The following ZNF385B variants were observed in gnomAD, a reference collection of about 807,000 sequenced individuals.
ZNF385B encodes the protein zinc finger protein 385B.
A neutral mutation model predicts 39.2 loss-of-function variants in ZNF385B; 23 were observed. The observed-to-expected ratio is 0.59, with a 90% CI of 0.42 to 0.83. ZNF385B has a LOEUF of 0.83. ZNF385B is among the 40% of genes least tolerant of loss of function. The pLI, the probability that ZNF385B is intolerant of heterozygous loss-of-function variation, is 0.00. For missense variants in ZNF385B, 552 were observed against 598.9 expected, an observed-to-expected ratio of 0.92 and a Z score of 0.82; for synonymous variants, 205 against 222.6, an observed-to-expected ratio of 0.92 and a Z score of 0.70.
chr2:179,648,721 G>T (rs747785903), intron 3 of ZNF385B, among the ~76,000 whole-genome samples: 1 of 152,086 alleles, frequency 6.6e-6, no homozygotes. Flanking sequence ...AAATGACAAG[G>T]CTCCTGAGTC....
intron 1 of ZNF385B, among the ~76,000 whole-genome samples, chr2:179,778,063 G>C (rs935124198): frequency 2.0e-5 from 3 of 151,972 alleles, no homozygotes; most frequent in Admixed American, 6.6e-5. Context: ...ATAGAATTGG[G>C]CTTTATTCTT....
chr2:179,787,017 C>T (rs1705045992), intron 1 of ZNF385B, among the ~76,000 whole-genome samples: 1 of 152,112 alleles, frequency 6.6e-6, no homozygotes, highest in African/African-American at 2.4e-5. Context: ...GTTTTTCACA[C>T]ACGTATTAAC....
chr2:179,603,754 A>T (rs1463430344), intron 3 of ZNF385B, among the ~76,000 whole-genome samples: 5 of 152,226 alleles, frequency 3.3e-5, no homozygotes, highest in Non-Finnish European at 7.3e-5. Flanking sequence ...ACTGATGAAA[A>T]TAGGACTAGA....
At chr2:179,676,993 A>C (rs10187687) in intron 3 of ZNF385B, among the ~76,000 whole-genome samples, 17,402 of 152,220 alleles carry the variant, frequency 0.11, 1,391 homozygotes, top group African/African-American at 0.22. Flanking sequence ...CACACACACG[A>C]AACACCACAA....
At chr2:179,735,438 TG>T (rs1362302777) in intron 3 of ZNF385B, among the ~76,000 whole-genome samples, 1 of 126,070 alleles carries the variant, frequency 7.9e-6, no homozygotes, top group African/African-American at 3.0e-5. Flanking sequence ...TTGGTGGGAC[TG>T]TAAACTAGTT....
intron 5 of ZNF385B, among the ~76,000 whole-genome samples, chr2:179,501,658 C>T (rs1302115439): frequency 6.6e-6 from 1 of 151,956 alleles, no homozygotes; most frequent in Admixed American, 6.6e-5. Context: ...ATGAATAAGA[C>T]CTAGTGTTTG....
chr2:179,608,956 A>G (rs547756483), intron 3 of ZNF385B, among the ~76,000 whole-genome samples: 399 of 151,588 alleles, frequency 2.6e-3, no homozygotes, highest in Non-Finnish European at 4.5e-3. Context: ...AGTACAAAGT[A>G]GGTGTATATA....
Position 179,537,632 on chromosome 2 carries a change from C to T in ZNF385B, c.441+7195G>A, listed in dbSNP as rs1478869426. On this transcript the variant is annotated intron_variant, in intron 4 of 9. Transcript: ENST00000410066. Reference sequence around the variant, plus strand: ...GGCGTGCATCTGTAGTTCCAGCTACCTGGGAGGCTGACGCAGAAGAATAGC... The same window carrying T: ...GGCGTGCATCTGTAGTTCCAGCTACTTGGGAGGCTGACGCAGAAGAATAGC... 2.0e-5 allele frequency among the ~76,000 whole-genome samples: 3 copies of T among 151,650 alleles called. No homozygotes were observed. In the East Asian group the frequency reaches 5.8e-4, roughly 29 times the overall value.
chr2:179,500,803 C>T (rs1303313860), intron 5 of ZNF385B, among the ~76,000 whole-genome samples: 1 of 152,104 alleles, frequency 6.6e-6, no homozygotes. Flanking sequence ...AGTGAAGAGA[C>T]AACCCATAGA....
At chr2:179,683,734 C>A (rs1697713533) in intron 3 of ZNF385B, among the ~76,000 whole-genome samples, 1 of 152,124 alleles carries the variant, frequency 6.6e-6, no homozygotes, top group South Asian at 2.1e-4. Context: ...CCTCGGCCTC[C>A]CAAAGTGCTA....
At chr2:179,524,775 A>T (rs2058777768) in intron 4 of ZNF385B, among the ~76,000 whole-genome samples, 1 of 152,080 alleles carries the variant, frequency 6.6e-6, no homozygotes, top group Non-Finnish European at 1.5e-5. Flanking sequence ...TAAGCAAAAC[A>T]ATGAGGCATG....
intron 3 of ZNF385B, among the ~76,000 whole-genome samples, chr2:179,679,839 C>T (rs1697357203): frequency 6.6e-6 from 1 of 152,032 alleles, no homozygotes; most frequent in Non-Finnish European, 1.5e-5. Flanking sequence ...GTTTATGTTT[C>T]TTATTTATGC....
intron 3 of ZNF385B, among the ~76,000 whole-genome samples, chr2:179,712,955 C>G (rs1700097873): frequency 6.6e-6 from 1 of 152,172 alleles, no homozygotes; most frequent in South Asian, 2.1e-4. Context: ...ATATGCAGCA[C>G]TATACCCTTT....
rs563499549 is a variant in ZNF385B at position 179,583,192 on chromosome 2, C to T, written c.299-38223G>A. Reference sequence around the variant, plus strand: ...GACATGACAGGCATTTTGAGTACCACGGTCACACTTTAGGCATAGTAAAAT... The same window carrying T: ...GACATGACAGGCATTTTGAGTACCATGGTCACACTTTAGGCATAGTAAAAT... On this transcript the variant is annotated intron_variant, in intron 3 of 9. Transcript: ENST00000410066. 1.7e-4 allele frequency among the ~76,000 whole-genome samples: 26 copies of T among 152,156 alleles called. No individual in the cohort carries two copies. In the South Asian group the frequency reaches 4.4e-3, roughly 25 times the overall value.
chr2:179,645,583 A>G (rs369694207), intron 3 of ZNF385B, among the ~76,000 whole-genome samples: 1 of 152,158 alleles, frequency 6.6e-6, no homozygotes, highest in South Asian at 2.1e-4. Context: ...CTCGAGCTTT[A>G]TGGTTCTCCC....
chr2:179,676,330 C>T (rs1471787015), intron 3 of ZNF385B, among the ~76,000 whole-genome samples: 4 of 147,584 alleles, frequency 2.7e-5, no homozygotes, highest in South Asian at 2.2e-4. Flanking sequence ...CGTCATGATC[C>T]GCCTGCCTCG....
chr2:179,516,437 C>T (rs2058095002), intron 5 of ZNF385B, among the ~76,000 whole-genome samples: 2 of 152,030 alleles, frequency 1.3e-5, no homozygotes. Flanking sequence ...CTCATCCTAG[C>T]CATTTGATCC....
chr2:179,480,775 G>A (rs1357242460), intron 6 of ZNF385B: 1 of 150,152 alleles, frequency 6.7e-6, no homozygotes, highest in Non-Finnish European at 1.5e-5. Flanking sequence ...ACAATATTTT[G>A]TTAGTATTAA....
chr2:179,823,255 T>G lies in ZNF385B; in HGVS notation c.-155+37846A>C, dbSNP rs563734072. On this transcript the variant is annotated intron_variant, in intron 1 of 9. Coordinates refer to ENST00000410066, the MANE Select transcript of ZNF385B (RefSeq NM_152520.6). ...CATAAAATACCACATAGAACTGCTA[T>G]GCTGTATTACAAAGCTGCAGCACAA... Among the ~76,000 whole-genome samples, 4 of 152,290 alleles carry G rather than the reference T, an allele frequency of 2.6e-5. No individual in the cohort carries two copies. The South Asian group carries it at 6.2e-4, about 24-fold the overall frequency.
Sources: gnomAD v4.1 joint callset for allele counts (sites outside exome capture counted in the v4.1 genomes callset) on GRCh38, gnomAD v4.1.1 for gene constraint, MANE v1.5 for transcripts, NCBI Gene and HGNC (gene_info 2026-07-23, HGNC 2026-07-21) for gene names.